The following MARCHF1 variants were observed in gnomAD, a reference collection of about 807,000 sequenced individuals.
The protein encoded by MARCHF1 is E3 ubiquitin-protein ligase MARCHF1.
In MARCHF1, 40 loss-of-function variants were observed where a neutral mutation model predicts 54.2. That is an observed-to-expected ratio of 0.74 (90% CI 0.57 to 0.96). The LOEUF (loss-of-function observed/expected upper bound fraction) is 0.96, where lower values mean the gene tolerates loss of function less well. Ranked by LOEUF, MARCHF1 falls within the 40% of genes least tolerant of loss-of-function variation. MARCHF1 has a pLI of 0.00. For synonymous variants in MARCHF1, 236 were observed against 236.3 expected, an observed-to-expected ratio of 1.00 and a Z score of 0.01; for missense variants, 586 against 656.5, an observed-to-expected ratio of 0.89 and a Z score of 1.17.
At chr4:163,939,137 GCT>G (rs1751858948) in intron 3 of MARCHF1, among the ~76,000 whole-genome samples, 1 of 152,132 alleles carries the variant, frequency 6.6e-6, no homozygotes. Context: ...TATATTTCTG[GCT>G]AAAGATGACT....
intron 3 of MARCHF1, among the ~76,000 whole-genome samples, chr4:163,914,267 T>A (rs953924253): frequency 8.5e-5 from 13 of 152,116 alleles, no homozygotes; most frequent in African/African-American, 2.9e-4. Flanking sequence ...TTTAAGAAAC[T>A]TCTTTAAAAA....
intron 3 of MARCHF1, among the ~76,000 whole-genome samples, chr4:163,984,026 G>T (rs1021375407): frequency 6.6e-6 from 1 of 151,190 alleles, no homozygotes; most frequent in African/African-American, 2.4e-5. Flanking sequence ...AAATAAATCA[G>T]TAACTTGTCC....
intron 5 of MARCHF1, among the ~76,000 whole-genome samples, chr4:163,671,532 T>C (rs910354895): frequency 6.6e-6 from 1 of 152,186 alleles, no homozygotes; most frequent in Non-Finnish European, 1.5e-5. Flanking sequence ...TGATAGTTTT[T>C]TGTGTCTTTG....
intron 9 of MARCHF1, among the ~76,000 whole-genome samples, chr4:163,532,733 T>C (rs1051079673): frequency 6.6e-6 from 1 of 151,972 alleles, no homozygotes; most frequent in Non-Finnish European, 1.5e-5. Context: ...TGAACAGATA[T>C]GTCATCAATG....
chr4:164,351,759 G>T (rs1561014127), intron 1 of MARCHF1, among the ~76,000 whole-genome samples: 1 of 152,144 alleles, frequency 6.6e-6, no homozygotes, highest in Non-Finnish European at 1.5e-5. Context: ...AAGCTGGATG[G>T]AGAATGACTT....
intron 1 of MARCHF1, among the ~76,000 whole-genome samples, chr4:164,115,986 A>G (rs1755931623): frequency 6.6e-6 from 1 of 152,064 alleles, no homozygotes; most frequent in African/African-American, 2.4e-5. Context: ...ACTTTAGAAT[A>G]GAGAAAAACT....
chr4:164,087,351 G>A (rs887124838), intron 2 of MARCHF1, among the ~76,000 whole-genome samples: 1 of 151,976 alleles, frequency 6.6e-6, no homozygotes, highest in East Asian at 1.9e-4. Flanking sequence ...ATATTTCAAA[G>A]TGATATTGAA....
intron 2 of MARCHF1, 176 bp from the exon 3 acceptor site, chr4:163,988,885 T>A (rs1386967155): frequency 6.6e-6 from 1 of 152,246 alleles, no homozygotes; most frequent in Admixed American, 6.5e-5. Flanking sequence ...TGAACTGCTT[T>A]GTCACTGGAG....
chr4:163,879,652 A>T (rs1243605773), intron 3 of MARCHF1, among the ~76,000 whole-genome samples: 1 of 152,122 alleles, frequency 6.6e-6, no homozygotes, highest in Non-Finnish European at 1.5e-5. Context: ...CAAACTGCAA[A>T]CGATAATTAC....
Position 163,711,877 on chromosome 4 carries a change from G to C in MARCHF1, c.112-11014C>G, listed in dbSNP as rs142398016. On this transcript the variant is annotated intron_variant, in intron 4 of 9. Coordinates refer to ENST00000514618, the MANE Select transcript of MARCHF1 (RefSeq NM_001394959.1). ...TGGAAATGCTATCTGTTTCTTTCTA[G>C]ACCCCGATGGATAAAAGTCATCTTT... Among the ~76,000 whole-genome samples the C allele has an allele frequency of 6.9e-3, 1,054 of 152,098 alleles. 7 individuals are homozygous for C. The highest frequency in any genetic ancestry group is 0.024 in the African/African-American group (1,002 of 41,490).
At chr4:163,727,212 A>G (rs1482311891) in intron 4 of MARCHF1, among the ~76,000 whole-genome samples, 1 of 152,186 alleles carries the variant, frequency 6.6e-6, no homozygotes, top group Non-Finnish European at 1.5e-5. Context: ...CCTGTAAAAA[A>G]TAATTTTATG....
At chr4:163,843,004 T>C (rs913056008) in intron 4 of MARCHF1, among the ~76,000 whole-genome samples, 1 of 152,142 alleles carries the variant, frequency 6.6e-6, no homozygotes, top group Non-Finnish European at 1.5e-5. Context: ...TTTCAACCTA[T>C]GTCCCCCTGC....
At chr4:163,995,439 C>G (rs1322679339) in intron 2 of MARCHF1, among the ~76,000 whole-genome samples, 2 of 151,996 alleles carry the variant, frequency 1.3e-5, no homozygotes, top group Non-Finnish European at 2.9e-5. Flanking sequence ...AACTTTCACC[C>G]TCTCCCTCCT....
chr4:163,733,603 C>T lies in MARCHF1; in HGVS notation c.112-32740G>A, dbSNP rs1003252922. Among the ~76,000 whole-genome samples, 113 of 151,716 alleles carry T rather than the reference C, an allele frequency of 7.4e-4. 1 individual carries two copies. Among genetic ancestry groups the T allele is most frequent in the Non-Finnish European group, 6.6e-4 (45 of 67,980 alleles). ...TATATCTCCTAATGCTATCCCTCCC[C>T]GCTCCCCCTACCCCACAACAGTCCC... is the stretch of plus-strand genomic sequence containing the variant. On this transcript the variant is annotated intron_variant, in intron 4 of 9. Coordinates refer to ENST00000514618, the MANE Select transcript of MARCHF1 (RefSeq NM_001394959.1).
intron 1 of MARCHF1, among the ~76,000 whole-genome samples, chr4:164,313,340 C>T (rs934915467): frequency 8.0e-6 from 1 of 124,952 alleles, no homozygotes; most frequent in African/African-American, 3.3e-5. Flanking sequence ...CAGAGCAAGA[C>T]TCTGTCTCAA....
intron 1 of MARCHF1, among the ~76,000 whole-genome samples, chr4:164,225,551 C>T (rs1162000003): frequency 1.3e-5 from 2 of 151,978 alleles, no homozygotes; most frequent in South Asian, 2.1e-4. Context: ...GGTCATCCTA[C>T]AGTGTATTAA....
At chr4:164,255,674 A>G (rs1350890755) in intron 1 of MARCHF1, among the ~76,000 whole-genome samples, 1 of 152,120 alleles carries the variant, frequency 6.6e-6, no homozygotes, top group African/African-American at 2.4e-5. Context: ...TAAAAAAGAG[A>G]AAGTTTTCAA....
intron 1 of MARCHF1, among the ~76,000 whole-genome samples, chr4:164,198,808 G>GCAAAAGTATGTCCCATACTATGTCC (rs937365032): frequency 6.6e-6 from 1 of 152,118 alleles, no homozygotes; most frequent in African/African-American, 2.4e-5. Context: ...TGTCCCATAA[G>GCAAAAGTATGTCCCATACTATGTCC]CAAAAGAGGG....
chr4:163,841,334 A>G (rs960508294), intron 4 of MARCHF1, among the ~76,000 whole-genome samples: 1 of 152,064 alleles, frequency 6.6e-6, no homozygotes, highest in African/African-American at 2.4e-5. Flanking sequence ...CACTTTGGGG[A>G]TGTTAACAGT....
Sources: allele counts gnomAD v4.1 joint callset (sites outside exome capture counted in the v4.1 genomes callset), GRCh38; gene constraint gnomAD v4.1.1; transcripts MANE v1.5; gene names NCBI Gene and HGNC (gene_info 2026-07-23, HGNC 2026-07-21).